HTT: variants seen among roughly 807,000 people sequenced by gnomAD.
HTT encodes huntingtin.
Under a neutral mutation model 362.3 loss-of-function variants are expected in HTT, and 104 were observed. The observed-to-expected ratio is 0.29, with a 90% CI of 0.24 to 0.34. HTT has a LOEUF of 0.34. Among genes scored for constraint, HTT ranks in the 10% least tolerant of loss-of-function variants. The pLI, the probability that HTT is intolerant of heterozygous loss-of-function variation, is 1.00. For synonymous variants in HTT, 1,577 were observed against 1,548.7 expected (o/e 1.02, Z -0.43); for missense variants, 3,301 against 3,928.6 (o/e 0.84, Z 4.27).
At chr4:3,158,305 G>A (rs1717259469) in intron 28 of HTT, among the ~76,000 whole-genome samples, 2 of 152,124 alleles carry the variant, frequency 1.3e-5, no homozygotes, top group African/African-American at 2.4e-5. Flanking sequence ...CTTAATTATT[G>A]TAGCTTAATG....
intron 8 of HTT, among the ~76,000 whole-genome samples, chr4:3,117,577 C>T (rs956322466): frequency 1.3e-5 from 2 of 152,024 alleles, no homozygotes; most frequent in African/African-American, 4.8e-5. Context: ...GTGTTCATGC[C>T]TGTAATCCCA....
intron 23 of HTT, 44 bp from the exon 24 acceptor site, chr4:3,145,108 C>T (rs768344108): frequency 1.1e-5 from 15 of 1,371,542 alleles, no homozygotes; most frequent in Non-Finnish European, 1.5e-5. Flanking sequence ...TTCAATAAAC[C>T]TTTGTGGTGT....
At chr4:3,234,743 T>C (rs1043014544) in intron 61 of HTT, among the ~76,000 whole-genome samples, 6 of 152,166 alleles carry the variant, frequency 3.9e-5, no homozygotes, top group African/African-American at 4.8e-5. Flanking sequence ...GTGACAGATA[T>C]ACGCATCACT....
intron 31 of HTT, chr4:3,173,336 G>A (rs994305774): frequency 1.0e-5 from 6 of 571,550 alleles, no homozygotes; most frequent in African/African-American, 5.8e-5. Flanking sequence ...TGGCCAGTGA[G>A]TGAGATGGGC....
At chr4:3,227,914 G>A (rs1720995828) in intron 57 of HTT, among the ~76,000 whole-genome samples, 2 of 152,228 alleles carry the variant, frequency 1.3e-5, no homozygotes, top group African/African-American at 4.8e-5. Flanking sequence ...GGGGTTAGGG[G>A]TCTGGGCGAG....
chr4:3,080,096 T>TC (rs957102526), intron 1 of HTT, among the ~76,000 whole-genome samples: 3 of 151,858 alleles, frequency 2.0e-5, no homozygotes, highest in Non-Finnish European at 4.4e-5. Context: ...CCAGGCTCTT[T>TC]CTTTTTTTTT....
intron 64 of HTT, 71 bp from the exon 65 acceptor site, chr4:3,238,376 A>G: frequency 8.2e-7 from 1 of 1,221,860 alleles, no homozygotes; most frequent in Non-Finnish European, 1.2e-6. Flanking sequence ...ATTAGAGCCA[A>G]GGCCCTCCGC....
At chr4:3,106,308 A>G (rs1410730950) in intron 5 of HTT, among the ~76,000 whole-genome samples, 2 of 152,194 alleles carry the variant, frequency 1.3e-5, no homozygotes, top group Non-Finnish European at 2.9e-5. Flanking sequence ...TTGAGCCAAG[A>G]TCGCACCACT....
chr4:3,154,220 A>C (rs926842115), intron 26 of HTT, 73 bp from the exon 27 acceptor site: 2 of 1,251,386 alleles, frequency 1.6e-6, no homozygotes, highest in Non-Finnish European at 2.2e-6. Context: ...CAAATATTCT[A>C]ATTTTCAGTT....
Position 3,074,911 on chromosome 4 carries a change from AGCAGCAGCAGCAGCAG to A in HTT, c.87_102del (p.Gln29HisfsTer67), listed in dbSNP as rs760691860. ...CAGCAGCAGCAGCAGCAGCAGCAGC[AGCAGCAGCAGCAGCAG>A]CAGCAGCAACAGCCGCCACCGCCGC... On this transcript the variant is annotated frameshift_variant, in exon 1 of 67. Coordinates refer to ENST00000355072, the MANE Select transcript of HTT (RefSeq NM_001388492.1). LOFTEE classifies it high-confidence loss of function. 2,306 of 1,500,758 alleles carry A rather than the reference AGCAGCAGCAGCAGCAG, an allele frequency of 1.5e-3. 6 individuals are homozygous for A. Among genetic ancestry groups the A allele is most frequent in the Middle Eastern group, 3.4e-3 (15 of 4,374 alleles). 93.0% of individuals were successfully genotyped at this position (1,500,758 alleles called of 1,614,324 possible).
Position 3,199,804 on chromosome 4 carries a change from C to T in HTT, c.5441C>T (p.Thr1814Ile). Reference sequence around the variant, plus strand: ...GATGGCTGTGGCGGCAGTTTCTACACCCTGGACAGCTTGAACTTGCGGGCT... The same window carrying T: ...GATGGCTGTGGCGGCAGTTTCTACATCCTGGACAGCTTGAACTTGCGGGCT... ...RSDGCGGSFY[T>I]LDSLNLRARS... The change falls in exon 41 of 67, where the codon ACC becomes ATC. Residue 1814 changes from threonine (T) to isoleucine (I), a missense_variant. Around this residue, in one of 4 missense-constraint regions of HTT, gnomAD observed 2,316 missense variants for 2,658.5 expected, o/e 0.87. Transcript: ENST00000355072. 6.2e-7 allele frequency: 1 copy of T among 1,614,226 alleles called. No homozygotes were observed. The highest frequency in any genetic ancestry group is 8.5e-7 in the Non-Finnish European group (1 of 1,180,040).
Position 3,157,097 on chromosome 4 carries a change from T to C in HTT, c.3651T>C (p.Gly1217=), listed in dbSNP as rs965848073. The C allele has an allele frequency of 1.9e-6, 3 of 1,612,358 alleles. No homozygotes were observed. The African/African-American group carries it at 4.0e-5, about 22-fold the overall frequency. ...CTTCTAGACAATCTGATACCTCAGG[T>C]CCTGTTACAACAAGTAAATCCTCAT... ...SAASRQSDTS[G]PVTTSKSSSL... The change falls in exon 28 of 67, where the codon GGT becomes GGC. Residue 1217 remains glycine (G), a synonymous_variant. Transcript: ENST00000355072.
At chr4:3,226,553 G>A (rs1381755942) in intron 57 of HTT, among the ~76,000 whole-genome samples, 1 of 152,228 alleles carries the variant, frequency 6.6e-6, no homozygotes, top group African/African-American at 2.4e-5. Context: ...TATGCTGGGC[G>A]GGGCCCGGCT....
intron 23 of HTT, among the ~76,000 whole-genome samples, chr4:3,143,475 A>G (rs1042167586): frequency 1.3e-5 from 2 of 151,226 alleles, no homozygotes; most frequent in Non-Finnish European, 2.9e-5. Flanking sequence ...AAAGTAAACT[A>G]CTGTCACCTG....
rs1448191855 is a variant in HTT, at chr4:3,242,114, A to C, written c.*2055A>C. 6.6e-6 allele frequency: 1 copy of C among 152,194 alleles called. No individual in the cohort carries two copies. The highest frequency in any genetic ancestry group is 2.4e-5 in the African/African-American group (1 of 41,430). The allele number at this position is 152,194 out of a possible 1,614,324, so 9.4% of individuals were successfully genotyped here. On this transcript the variant is annotated 3_prime_UTR_variant, in exon 67 of 67. Coordinates refer to ENST00000355072, the MANE Select transcript of HTT (RefSeq NM_001388492.1). ...AGCAGCTCTGAGACAGCAGTATCAC[A>C]GGCCAGATGTTGTTCCTGGCTAGAT...
intron 57 of HTT, among the ~76,000 whole-genome samples, chr4:3,226,658 C>A (rs1720933338): frequency 6.6e-6 from 1 of 152,218 alleles, no homozygotes; most frequent in Non-Finnish European, 1.5e-5. Flanking sequence ...CAGGACAGTT[C>A]TCTTTGTAGC....
At chr4:3,107,519 C>T in intron 6 of HTT, 96 bp downstream of exon 6, 1 of 1,230,868 alleles carries the variant, frequency 8.1e-7, no homozygotes, top group Admixed American at 1.9e-5. Flanking sequence ...TGTGGGAGTG[C>T]TTCTTGGGGT....
At chr4:3,174,661 C>A in intron 31 of HTT, 60 bp from the exon 32 acceptor site, 1 of 1,312,290 alleles carries the variant, frequency 7.6e-7, no homozygotes, top group Non-Finnish European at 1.1e-6. Flanking sequence ...TATCTGAGTG[C>A]AGAGGAGATT....
At chr4:3,192,099 C>G (rs1418421877) in intron 40 of HTT, among the ~76,000 whole-genome samples, 3 of 152,134 alleles carry the variant, frequency 2.0e-5, no homozygotes, top group Non-Finnish European at 4.4e-5. Context: ...TAGGGTCTCA[C>G]TTTGTCGCCT....
Sources: gnomAD v4.1 joint callset for allele counts (sites outside exome capture counted in the v4.1 genomes callset) on GRCh38, gnomAD v4.1.1 for gene constraint, gnomAD v4.1.1 regional missense constraint, MANE v1.5 for transcripts, NCBI Gene and HGNC (gene_info 2026-07-23, HGNC 2026-07-21) for gene names.